The following FGF12 variants were observed in gnomAD, a reference collection of about 807,000 sequenced individuals.
FGF12 encodes fibroblast growth factor 12.
In FGF12, 14 loss-of-function variants were observed where a neutral mutation model predicts 23.6. The ratio of observed to expected loss-of-function variants is 0.59; its 90% CI spans 0.39 to 0.93. The LOEUF (loss-of-function observed/expected upper bound fraction) is 0.93. FGF12 is among the 40% of genes least tolerant of loss of function. The pLI is 0.00. For synonymous variants in FGF12, 62 were observed against 77.3 expected (o/e 0.80, Z 1.04); for missense variants, 175 against 217.8 (o/e 0.80, Z 1.24).
At chr3:192,444,847 T>C (rs371496981) in intron 2 of FGF12, among the ~76,000 whole-genome samples, 2 of 152,360 alleles carry the variant, frequency 1.3e-5, no homozygotes, top group African/African-American at 4.8e-5. Context: ...GAATTCTCTA[T>C]CTTAGGGATT....
intron 2 of FGF12, among the ~76,000 whole-genome samples, chr3:192,366,338 A>G (rs1718982915): frequency 6.6e-6 from 1 of 152,210 alleles, no homozygotes; most frequent in East Asian, 1.9e-4. Context: ...ACATATACCC[A>G]AACTTTAGAG....
At chr3:192,513,172 T>A (rs1383497274) in intron 2 of FGF12, among the ~76,000 whole-genome samples, 1 of 152,000 alleles carries the variant, frequency 6.6e-6, no homozygotes, top group Non-Finnish European at 1.5e-5. Context: ...CACATTATAT[T>A]TACTGTGGAC....
chr3:192,681,277 A>C (rs936722100), intron 2 of FGF12, among the ~76,000 whole-genome samples: 15 of 152,230 alleles, frequency 9.9e-5, no homozygotes, highest in Non-Finnish European at 2.2e-4. Flanking sequence ...GGTGACATAA[A>C]GTCAGACTAG....
At chr3:192,688,792 T>A (rs187594123) in intron 2 of FGF12, among the ~76,000 whole-genome samples, 46 of 152,320 alleles carry the variant, frequency 3.0e-4, no homozygotes, top group Admixed American at 7.2e-4. Flanking sequence ...TGCACCCCCG[T>A]GTGTATTGCA....
intron 4 of FGF12, among the ~76,000 whole-genome samples, chr3:192,190,830 T>A (rs1285157446): frequency 6.6e-6 from 1 of 152,180 alleles, no homozygotes; most frequent in African/African-American, 2.4e-5. Context: ...CATCTCCCCA[T>A]GAAAAGAATC....
chr3:192,224,852 T>C (rs937904974), intron 4 of FGF12, among the ~76,000 whole-genome samples: 2 of 152,174 alleles, frequency 1.3e-5, no homozygotes, highest in Admixed American at 6.6e-5. Context: ...GACCTCTTCT[T>C]ACGCTAGTAG....
At chr3:192,378,611 G>A (rs892785454) in intron 2 of FGF12, among the ~76,000 whole-genome samples, 2 of 152,028 alleles carry the variant, frequency 1.3e-5, no homozygotes, top group African/African-American at 4.8e-5. Flanking sequence ...ATATTCTTTG[G>A]TATAAGTTTA....
intron 2 of FGF12, among the ~76,000 whole-genome samples, chr3:192,369,759 GC>G (rs1240985793): frequency 1.3e-5 from 2 of 152,204 alleles, no homozygotes; most frequent in Admixed American, 1.3e-4. Flanking sequence ...TGAGTAAGAT[GC>G]AATTCCTGCC....
At chr3:192,199,735 C>T (rs145963235) in intron 4 of FGF12, among the ~76,000 whole-genome samples, 85 of 152,264 alleles carry the variant, frequency 5.6e-4, no homozygotes, top group African/African-American at 2.0e-3. Context: ...GGTAGTCTAG[C>T]TGTTTATGAG....
chr3:192,291,318 T>C (rs1361380347), intron 4 of FGF12, among the ~76,000 whole-genome samples: 3 of 152,112 alleles, frequency 2.0e-5, no homozygotes, highest in Non-Finnish European at 4.4e-5. Context: ...TGGTGGCTTA[T>C]ACCTGTAATC....
chr3:192,229,767 G>T (rs1476343306), intron 4 of FGF12, among the ~76,000 whole-genome samples: 1 of 151,988 alleles, frequency 6.6e-6, no homozygotes, highest in East Asian at 1.9e-4. Flanking sequence ...TACAGCTTTG[G>T]AACATTATGT....
At chr3:192,573,529 CA>C (rs1432067348) in intron 2 of FGF12, among the ~76,000 whole-genome samples, 1 of 152,116 alleles carries the variant, frequency 6.6e-6, no homozygotes, top group African/African-American at 2.4e-5. Flanking sequence ...ACTGGAGCAT[CA>C]ACTCTTCCTG....
At chr3:192,443,076 G>A (rs528713902) in intron 2 of FGF12, among the ~76,000 whole-genome samples, 47 of 152,226 alleles carry the variant, frequency 3.1e-4, no homozygotes, top group African/African-American at 9.9e-4. Context: ...CTAAAGTGCT[G>A]AGATTACAGG....
intron 2 of FGF12, among the ~76,000 whole-genome samples, chr3:192,430,375 G>A (rs1721824813): frequency 1.3e-5 from 2 of 152,128 alleles, no homozygotes; most frequent in South Asian, 4.1e-4. Flanking sequence ...GGGAAAATGG[G>A]GAATAGCTGT....
chr3:192,370,100 T>C (rs991730981), intron 2 of FGF12, among the ~76,000 whole-genome samples: 6 of 152,052 alleles, frequency 3.9e-5, no homozygotes, highest in Non-Finnish European at 7.4e-5. Flanking sequence ...GAAGGAAATA[T>C]GGGGGTGCAT....
intron 4 of FGF12, among the ~76,000 whole-genome samples, chr3:192,206,021 G>A (rs1455379509): frequency 6.6e-6 from 1 of 152,186 alleles, no homozygotes; most frequent in Non-Finnish European, 1.5e-5. Flanking sequence ...AAGGTCACAG[G>A]AAGTTGAAGA....
At chr3:192,600,826 G>A (rs1324815552) in intron 2 of FGF12, among the ~76,000 whole-genome samples, 3 of 152,030 alleles carry the variant, frequency 2.0e-5, no homozygotes, top group Middle Eastern at 3.2e-3. Context: ...CAGAAAAAAG[G>A]TTACTCTTAT....
rs1287001755 is a variant in FGF12, at chr3:192,292,862, G to A, written c.228+42499C>T. ...TATGATCATGGCTCACTACAGCCTC[G>A]ACCTCCTGAGCTCAAACGATCCTCC... On this transcript the variant is annotated intron_variant, in intron 4 of 5. Coordinates refer to ENST00000445105, the MANE Select transcript of FGF12 (RefSeq NM_004113.6). Among the ~76,000 whole-genome samples the A allele has an allele frequency of 3.3e-5, 5 of 152,028 alleles. No individual in the cohort carries two copies. In the East Asian group the frequency reaches 5.8e-4, roughly 18 times the overall value.
In FGF12 at chr3:192,358,473, G is replaced by GGT. The variant is rs10560289; in HGVS notation, c.124+1953_124+1954dup. Among the ~76,000 whole-genome samples, 12 of 151,462 alleles carry GGT rather than the reference G, an allele frequency of 7.9e-5. No homozygotes were observed. In the South Asian group the frequency reaches 1.5e-3, roughly 18 times the overall value. On this transcript the variant is annotated intron_variant, in intron 3 of 5. Coordinates refer to ENST00000445105, the MANE Select transcript of FGF12 (RefSeq NM_004113.6). ...TTATTTGACACAATGTGTGCCCTAT[G>GGT]GTGTGTGTGTGTGTGTATGTGGGTT...
Sources: allele counts gnomAD v4.1 joint callset (sites outside exome capture counted in the v4.1 genomes callset), GRCh38; gene constraint gnomAD v4.1.1; transcripts MANE v1.5; gene names NCBI Gene and HGNC (gene_info 2026-07-23, HGNC 2026-07-21).